Variants in ZNF106 observed in about 807,000 individuals in gnomAD.
ZNF106 encodes SH3-domain binding protein 3.
ZNF106 carries 67 observed loss-of-function variants against 195.1 expected under a neutral mutation model. That is an observed-to-expected ratio of 0.34 (90% CI 0.28 to 0.42). The LOEUF (loss-of-function observed/expected upper bound fraction) is 0.42. Ranked by LOEUF, ZNF106 falls within the 10% of genes least tolerant of loss-of-function variation. The pLI is 1.00. For missense variants in ZNF106, 2,118 were observed against 2,304.5 expected (o/e 0.92, Z 1.66); for synonymous variants, 784 against 818.6 (o/e 0.96, Z 0.72).
intron 1 of ZNF106, among the ~76,000 whole-genome samples, chr15:42,485,919 T>C (rs2057002540): frequency 6.6e-6 from 1 of 152,032 alleles, no homozygotes; most frequent in African/African-American, 2.4e-5. Context: ...ACCCATTGAT[T>C]TGCCAAAAAT....
intron 1 of ZNF106, among the ~76,000 whole-genome samples, chr15:42,485,523 G>A (rs1267346785): frequency 6.6e-6 from 1 of 152,120 alleles, no homozygotes; most frequent in Non-Finnish European, 1.5e-5. Context: ...ACACCCCGAA[G>A]TAAGTGCCTG....
chr15:42,456,173 A>T (rs1290863387), intron 4 of ZNF106, among the ~76,000 whole-genome samples: 1 of 152,232 alleles, frequency 6.6e-6, no homozygotes, highest in Non-Finnish European at 1.5e-5. Context: ...ACACCAGTCA[A>T]AAAATATTTT....
chr15:42,465,963 G>T, intron 3 of ZNF106, 90 bp downstream of exon 3: 1 of 1,044,046 alleles, frequency 9.6e-7, no homozygotes, highest in Non-Finnish European at 1.4e-6. Flanking sequence ...ATTTGCTTTT[G>T]ACGGATTACT....
intron 1 of ZNF106, among the ~76,000 whole-genome samples, chr15:42,488,225 T>C (rs1382832124): frequency 1.3e-5 from 2 of 152,204 alleles, no homozygotes; most frequent in East Asian, 1.9e-4. Flanking sequence ...AACAATTGTA[T>C]ATGCAATACA....
At chr15:42,463,288 G>A (rs569736787) in intron 3 of ZNF106, among the ~76,000 whole-genome samples, 2 of 152,112 alleles carry the variant, frequency 1.3e-5, no homozygotes, top group Non-Finnish European at 2.9e-5. Context: ...CTAGAAGGAA[G>A]TCTGTTGAAA....
At chr15:42,461,590 T>C (rs572131488) in intron 3 of ZNF106, among the ~76,000 whole-genome samples, 3 of 152,320 alleles carry the variant, frequency 2.0e-5, no homozygotes, top group African/African-American at 7.2e-5. Context: ...TGAAGAAGTA[T>C]ATTAGGAAAA....
chr15:42,437,897 C>A (rs140780922), intron 12 of ZNF106, among the ~76,000 whole-genome samples: 1 of 140,116 alleles, frequency 7.1e-6, no homozygotes, highest in South Asian at 2.2e-4. Flanking sequence ...ACAACGACTC[C>A]GTCTCAAAAA....
chr15:42,472,206 A>G, intron 2 of ZNF106, 30 bp downstream of exon 2: 1 of 1,527,578 alleles, frequency 6.5e-7, no homozygotes, highest in South Asian at 1.2e-5. Context: ...ATAGTCATAA[A>G]GCCTCAGATT....
At chr15:42,447,449 C>T (rs1313219775) in intron 6 of ZNF106, among the ~76,000 whole-genome samples, 1 of 152,160 alleles carries the variant, frequency 6.6e-6, no homozygotes, top group African/African-American at 2.4e-5. Context: ...TCACTACCAG[C>T]AACTCTTTCT....
intron 13 of ZNF106, among the ~76,000 whole-genome samples, chr15:42,436,143 T>TG (rs2055265582): frequency 6.6e-6 from 1 of 151,938 alleles, no homozygotes; most frequent in African/African-American, 2.4e-5. Flanking sequence ...TTAGTAGAGA[T>TG]GGGGTTTCAC....
At chr15:42,454,860 C>G (rs956678715) in intron 4 of ZNF106, among the ~76,000 whole-genome samples, 5 of 151,298 alleles carry the variant, frequency 3.3e-5, no homozygotes, top group African/African-American at 9.7e-5. Context: ...CATCGTGCCA[C>G]TGCACTCAAG....
chr15:42,417,674 C>A lies in ZNF106; in HGVS notation c.5664+131G>T, dbSNP rs555523765. 29 of 1,135,956 alleles carry A rather than the reference C, an allele frequency of 2.6e-5. No individual in the cohort carries two copies. In the South Asian group the frequency reaches 5.3e-4, roughly 21 times the overall value. The allele number at this position is 1,135,956 out of a possible 1,614,324, so 70.4% of individuals were successfully genotyped here. A position where few individuals can be genotyped will look rare whatever the true frequency, so the allele number is the denominator to read the frequency against. ...CTTCATTAAGCTACCCCCCAAATCTCTGAATCATAAAAATAAAAAACCCTA... is the reference window on the plus strand; with the variant it reads ...CTTCATTAAGCTACCCCCCAAATCTATGAATCATAAAAATAAAAAACCCTA... On this transcript the variant is annotated intron_variant, in intron 21 of 21. Coordinates refer to ENST00000564754, the MANE Select transcript of ZNF106 (RefSeq NM_001366845.3).
In ZNF106 at chr15:42,413,006, C is replaced by T. The variant is rs2054320819; in HGVS notation, c.*4298G>A. 1 of 152,066 alleles carries T rather than the reference C, an allele frequency of 6.6e-6. No homozygotes were observed. The highest frequency in any genetic ancestry group is 2.1e-4 in the South Asian group (1 of 4,828). 9.4% of individuals were successfully genotyped at this position (152,066 alleles called of 1,614,324 possible). A position where few individuals can be genotyped will look rare whatever the true frequency, so the allele number is the denominator to read the frequency against. On this transcript the variant is annotated 3_prime_UTR_variant, in exon 22 of 22. Coordinates refer to ENST00000564754, the MANE Select transcript of ZNF106 (RefSeq NM_001366845.3). ...ATTCAATATTAAAAAAATCAGAAACCAAGGGTGCTGGAGCAGCTCTAGGGC... is the reference window on the plus strand; with the variant it reads ...ATTCAATATTAAAAAAATCAGAAACTAAGGGTGCTGGAGCAGCTCTAGGGC...
intron 7 of ZNF106, among the ~76,000 whole-genome samples, chr15:42,445,719 C>T (rs1334555884): frequency 6.6e-6 from 1 of 152,162 alleles, no homozygotes; most frequent in Non-Finnish European, 1.5e-5. Flanking sequence ...ACATATGCTC[C>T]ATCTGGTTGG....
intron 1 of ZNF106, among the ~76,000 whole-genome samples, chr15:42,483,452 C>T (rs11636577): frequency 0.32 from 48,025 of 151,972 alleles, 9,447 homozygotes; most frequent in African/African-American, 0.56. Flanking sequence ...TGGGTGACTC[C>T]TGAATAGCAG....
At chr15:42,485,437 A>G (rs971882504) in intron 1 of ZNF106, among the ~76,000 whole-genome samples, 1 of 152,218 alleles carries the variant, frequency 6.6e-6, no homozygotes, top group Non-Finnish European at 1.5e-5. Context: ...CTTCCAGCTG[A>G]GGCCACTGTC....
At chr15:42,428,996 ACCTCGTGATCTGCCCG>A (rs1318635158) in intron 14 of ZNF106, among the ~76,000 whole-genome samples, 4 of 151,050 alleles carry the variant, frequency 2.6e-5, no homozygotes, top group Non-Finnish European at 4.4e-5. Flanking sequence ...CGATCTCCTG[ACCTCGTGATCTGCCCG>A]CCTCGGCCTC....
In ZNF106 at chr15:42,417,290, G is replaced by A. The variant is rs1458996080; in HGVS notation, c.*14C>T. 1 of 1,613,886 alleles carries A rather than the reference G, an allele frequency of 6.2e-7. No homozygotes were observed. The highest frequency in any genetic ancestry group is 8.5e-7 in the Non-Finnish European group (1 of 1,179,886). ...GTTCAACTAATGACTTCCCAACGTG[G>A]GAGGCAAAAAACTTCATGAATCAAT... On this transcript the variant is annotated 3_prime_UTR_variant, in exon 22 of 22. Transcript: ENST00000564754.
chr15:42,475,526 C>T (rs1024120083), intron 1 of ZNF106, among the ~76,000 whole-genome samples: 1 of 152,132 alleles, frequency 6.6e-6, no homozygotes, highest in Admixed American at 6.6e-5. Flanking sequence ...AGCTGAATGT[C>T]AATTAGCTAC....
Sources: gnomAD v4.1 joint callset for allele counts (sites outside exome capture counted in the v4.1 genomes callset) on GRCh38, gnomAD v4.1.1 for gene constraint, MANE v1.5 for transcripts, NCBI Gene and HGNC (gene_info 2026-07-23, HGNC 2026-07-21) for gene names.